Variants in PDE8B observed in about 807,000 individuals in gnomAD.
PDE8B encodes the protein high affinity cAMP-specific and IBMX-insensitive 3',5'-cyclic phosphodiesterase 8B.
In PDE8B, 26 loss-of-function variants were observed where a neutral mutation model predicts 101.3. The observed-to-expected ratio is 0.26, with a 90% confidence interval of 0.19 to 0.36. The LOEUF is 0.36. Among genes scored for constraint, PDE8B ranks in the 10% least tolerant of loss-of-function variants. PDE8B has a pLI of 1.00. For synonymous variants in PDE8B, 424 were observed against 429.3 expected (o/e 0.99, Z 0.15); for missense variants, 810 against 1,163.1 (o/e 0.70, Z 4.42).
At chr5:77,319,597 C>T (rs769782418) in intron 2 of PDE8B, among the ~76,000 whole-genome samples, 2 of 152,204 alleles carry the variant, frequency 1.3e-5, no homozygotes, top group Non-Finnish European at 1.5e-5. Context: ...TGTGGAATGC[C>T]GACACTGCTG....
At chr5:77,347,541 A>G (rs989081893) in intron 7 of PDE8B, among the ~76,000 whole-genome samples, 2 of 152,258 alleles carry the variant, frequency 1.3e-5, no homozygotes, top group Admixed American at 6.5e-5. Flanking sequence ...AATATTTTCT[A>G]TTCATTCCTC....
chr5:77,301,260 A>G (rs1306146409), intron 1 of PDE8B, among the ~76,000 whole-genome samples: 1 of 152,246 alleles, frequency 6.6e-6, no homozygotes, highest in Non-Finnish European at 1.5e-5. Flanking sequence ...TAGCTTATCA[A>G]TGATAAAATT....
Position 77,245,664 on chromosome 5 carries a change from A to C in PDE8B, c.339+34400A>C, listed in dbSNP as rs373102379. The stretch of plus-strand genomic sequence containing the variant: ...TGTGCATGTTCACTAAGGGCTATGC[A>C]CTTATTTGACCCTCACAGCAGCCCC... On this transcript the variant is annotated intron_variant, in intron 1 of 21. Transcript: ENST00000264917. 3.1e-4 allele frequency among the ~76,000 whole-genome samples: 47 copies of C among 152,316 alleles called. No homozygotes were observed. In the East Asian group the frequency reaches 6.2e-3, roughly 20 times the overall value.
the PDE8B span, among the ~76,000 whole-genome samples, chr5:77,133,046 A>T: frequency 1.7e-4 from 26 of 152,286 alleles, no homozygotes; most frequent in African/African-American, 6.0e-4. Context: ...TTTGGAGATG[A>T]CCTATGATTC....
the PDE8B span, among the ~76,000 whole-genome samples, chr5:77,124,401 G>A: frequency 2.0e-5 from 3 of 151,932 alleles, no homozygotes; most frequent in Non-Finnish European, 4.4e-5. Flanking sequence ...ACCATCCTGG[G>A]CAATGTGAAA....
At chr5:77,349,080 G>A (rs1334923252) in intron 7 of PDE8B, among the ~76,000 whole-genome samples, 1 of 152,046 alleles carries the variant, frequency 6.6e-6, no homozygotes, top group Non-Finnish European at 1.5e-5. Flanking sequence ...TTCATGGGGC[G>A]GTAGATGGTG....
At position 77,373,020 on chromosome 5, in the gene PDE8B, T is replaced by G. The variant is rs1039543334; in HGVS notation, c.1167+19614T>G. Among the ~76,000 whole-genome samples the G allele has an allele frequency of 4.2e-5, 5 of 120,190 alleles. No homozygotes were observed. The South Asian group carries it at 1.3e-3, about 32-fold the overall frequency. The allele number at this position is 120,190 out of a possible 152,430, so 78.8% of individuals were successfully genotyped here. ...TCCAGCCTGGGCGACAGAGTGAGAC[T>G]TCATCTCAAAAAAAAAAAAAAGAAT... is the stretch of plus-strand genomic sequence containing the variant. On this transcript the variant is annotated intron_variant, in intron 10 of 21. Coordinates refer to ENST00000264917, the MANE Select transcript of PDE8B (RefSeq NM_003719.5).
chr5:77,237,974 G>A (rs1755027705), intron 1 of PDE8B, among the ~76,000 whole-genome samples: 1 of 151,918 alleles, frequency 6.6e-6, no homozygotes, highest in South Asian at 2.1e-4. Flanking sequence ...TTGAATTATG[G>A]TCCCCCTGTA....
chr5:77,361,098 T>A (rs980455453), intron 10 of PDE8B, among the ~76,000 whole-genome samples: 1 of 152,256 alleles, frequency 6.6e-6, no homozygotes, highest in South Asian at 2.1e-4. Context: ...TATTTTACTA[T>A]CATGTGTGCT....
intron 2 of PDE8B, among the ~76,000 whole-genome samples, chr5:77,325,114 G>T (rs1365037959): frequency 1.3e-5 from 2 of 152,074 alleles, no homozygotes; most frequent in African/African-American, 2.4e-5. Flanking sequence ...TCCCTCTAGA[G>T]GCCCCATTTT....
At chr5:77,391,339 T>C (rs1789871197) in intron 10 of PDE8B, among the ~76,000 whole-genome samples, 1 of 152,132 alleles carries the variant, frequency 6.6e-6, no homozygotes, top group Non-Finnish European at 1.5e-5. Context: ...AGAGCATCAT[T>C]AAGTCGGTCC....
chr5:77,382,499 G>C (rs1168260396), intron 10 of PDE8B, among the ~76,000 whole-genome samples: 1 of 152,110 alleles, frequency 6.6e-6, no homozygotes, highest in African/African-American at 2.4e-5. Context: ...TGTTACATAA[G>C]TATACATGTG....
At chr5:77,175,150 CCT>C in the PDE8B span, among the ~76,000 whole-genome samples, 1 of 152,106 alleles carries the variant, frequency 6.6e-6, no homozygotes, top group Admixed American at 6.6e-5. Flanking sequence ...TGAACCTGAC[CCT>C]CTCTATCCAT....
At chr5:77,140,256 T>C in the PDE8B span, 1 of 152,212 alleles carries the variant, frequency 6.6e-6, no homozygotes, top group Non-Finnish European at 1.5e-5. Flanking sequence ...TTTAAACCTA[T>C]AGCCCAAGGA....
At chr5:77,322,140 T>C (rs1775210947) in intron 2 of PDE8B, among the ~76,000 whole-genome samples, 3 of 152,128 alleles carry the variant, frequency 2.0e-5, no homozygotes, top group African/African-American at 7.2e-5. Context: ...GTTCTAGTTG[T>C]CTGGTACCTG....
At chr5:77,168,595 A>C in the PDE8B span, among the ~76,000 whole-genome samples, 1 of 152,256 alleles carries the variant, frequency 6.6e-6, no homozygotes, top group African/African-American at 2.4e-5. Context: ...AAGGCAAGTC[A>C]TATCCCTTCT....
At chr5:77,424,169 G>A (rs1276627919) in intron 20 of PDE8B, among the ~76,000 whole-genome samples, 1 of 152,154 alleles carries the variant, frequency 6.6e-6, no homozygotes, top group African/African-American at 2.4e-5. Context: ...CGACTGACCT[G>A]AAATGAGCAA....
intron 1 of PDE8B, among the ~76,000 whole-genome samples, chr5:77,275,879 A>T (rs1402011329): frequency 6.6e-6 from 1 of 152,246 alleles, no homozygotes; most frequent in Non-Finnish European, 1.5e-5. Flanking sequence ...TATCCTACAG[A>T]CACACCAAAG....
chr5:77,404,809 T>A lies in PDE8B; in HGVS notation c.1288+12T>A. ...TCGAGGCAGTGATGGTAAGATGTTT[T>A]TCAGATTCCTCTGACCTTTTTAAAA... is the stretch of plus-strand genomic sequence containing the variant. On this transcript the variant is annotated intron_variant, in intron 12 of 21. Transcript: ENST00000264917. 1 of 1,533,598 alleles carries A rather than the reference T, an allele frequency of 6.5e-7. No individual in the cohort carries two copies. The highest frequency in any genetic ancestry group is 9.0e-7 in the Non-Finnish European group (1 of 1,106,892). The allele number at this position is 1,533,598 out of a possible 1,614,324, so 95.0% of individuals were successfully genotyped here. A position where few individuals can be genotyped will look rare whatever the true frequency, so the allele number is the denominator to read the frequency against.
Sources: gnomAD v4.1 joint callset for allele counts (sites outside exome capture counted in the v4.1 genomes callset) on GRCh38, gnomAD v4.1.1 for gene constraint, MANE v1.5 for transcripts, NCBI Gene and HGNC (gene_info 2026-07-23, HGNC 2026-07-21) for gene names.